The following ABI3BP variants were observed in gnomAD, a reference collection of about 807,000 sequenced individuals.
The protein encoded by ABI3BP is ABI family member 3 binding protein, also known as target of Nesh-SH3.
Under a neutral mutation model 268.6 loss-of-function variants are expected in ABI3BP, and 216 were observed. The observed-to-expected ratio is 0.80, with a 90% CI of 0.72 to 0.90. The LOEUF (loss-of-function observed/expected upper bound fraction) is 0.90. ABI3BP is among the 40% of genes least tolerant of loss of function. The probability of loss-of-function intolerance (pLI) is 0.00; values close to 1 mark genes in which losing one functional copy is unlikely to be tolerated. For synonymous variants in ABI3BP, 730 were observed against 730.0 expected, an observed-to-expected ratio of 1.00 and a Z score of 0.00; for missense variants, 2,090 against 2,182.4, an observed-to-expected ratio of 0.96 and a Z score of 0.84.
chr3:100,768,095 T>G lies in ABI3BP; in HGVS notation c.4742-2146A>C, dbSNP rs527996451. Among the ~76,000 whole-genome samples the G allele has an allele frequency of 1.1e-3, 156 of 148,112 alleles. 1 individual carries two copies. Among genetic ancestry groups the G allele is most frequent in the African/African-American group, 3.8e-3 (152 of 40,214 alleles). ...CCATTTGGCTCAAGTTTTTTTTTTTTTTTTTTTTTGAGACGGAGTCTCACA... is the reference window on the plus strand; with the variant it reads ...CCATTTGGCTCAAGTTTTTTTTTTTGTTTTTTTTTGAGACGGAGTCTCACA... On this transcript the variant is annotated intron_variant, in intron 62 of 67. Transcript: ENST00000471714.
At chr3:100,858,019 A>G (rs917941701) in intron 14 of ABI3BP, among the ~76,000 whole-genome samples, 8 of 152,240 alleles carry the variant, frequency 5.3e-5, no homozygotes, top group African/African-American at 1.9e-4. Flanking sequence ...CTGAGATTAT[A>G]GTTAACTAGC....
intron 61 of ABI3BP, 69 bp from the exon 62 acceptor site, chr3:100,771,021 A>C: frequency 7.8e-7 from 1 of 1,286,930 alleles, no homozygotes; most frequent in Non-Finnish European, 1.0e-6. Flanking sequence ...GTGAGCTCAT[A>C]AATATAATTT....
At chr3:100,774,179 G>T (rs2096635796) in intron 61 of ABI3BP, among the ~76,000 whole-genome samples, 1 of 152,166 alleles carries the variant, frequency 6.6e-6, no homozygotes, top group African/African-American at 2.4e-5. Context: ...CCCAATCCTT[G>T]ATTTGATCTT....
chr3:100,796,516 T>C (rs773312937), intron 51 of ABI3BP, 48 bp from the exon 52 acceptor site: 11 of 1,400,644 alleles, frequency 7.9e-6, no homozygotes, highest in Non-Finnish European at 1.1e-5. Context: ...ATAACCCAAC[T>C]GGAGTGAGCT....
intron 6 of ABI3BP, among the ~76,000 whole-genome samples, chr3:100,882,764 A>G (rs1475783092): frequency 6.6e-6 from 1 of 152,108 alleles, no homozygotes; most frequent in Non-Finnish European, 1.5e-5. Context: ...AACTCATCCT[A>G]AATGAAATAT....
At chr3:100,843,521 G>A in intron 20 of ABI3BP, 1 of 777,526 alleles carries the variant, frequency 1.3e-6, no homozygotes, top group Non-Finnish European at 1.5e-6. Context: ...GGGAGAGGAT[G>A]TGTGTGTGTG....
In ABI3BP at chr3:100,987,109, T is replaced by C. The variant is rs575223298; in HGVS notation, c.79+6197A>G. On this transcript the variant is annotated intron_variant, in intron 1 of 67. Coordinates refer to ENST00000471714, the MANE Select transcript of ABI3BP (RefSeq NM_001375547.2). Reference sequence around the variant, plus strand: ...TGAGATCAATTTTATTAAATTCACCTATTTACTTTCAATATTGTCTTGTTT... The same window carrying C: ...TGAGATCAATTTTATTAAATTCACCCATTTACTTTCAATATTGTCTTGTTT... Among the ~76,000 whole-genome samples, 131 of 152,292 alleles carry C rather than the reference T, an allele frequency of 8.6e-4. 1 individual carries two copies. Among genetic ancestry groups the C allele is most frequent in the African/African-American group, 3.1e-3 (128 of 41,556 alleles).
At chr3:100,808,545 T>G (rs549897180) in intron 49 of ABI3BP, among the ~76,000 whole-genome samples, 1 of 152,080 alleles carries the variant, frequency 6.6e-6, no homozygotes. Context: ...TCATCCTTAT[T>G]ATAAGTTCAT....
chr3:100,880,348 C>T (rs1035379415), intron 6 of ABI3BP, among the ~76,000 whole-genome samples: 2 of 152,168 alleles, frequency 1.3e-5, no homozygotes, highest in Admixed American at 1.3e-4. Flanking sequence ...GCCGATTCCC[C>T]CATTCTTGCT....
chr3:100,906,351 C>A (rs1334711032), intron 2 of ABI3BP, among the ~76,000 whole-genome samples: 1 of 152,172 alleles, frequency 6.6e-6, no homozygotes, highest in Non-Finnish European at 1.5e-5. Context: ...ATGTCATTAC[C>A]TGGGTGCATG....
intron 1 of ABI3BP, among the ~76,000 whole-genome samples, chr3:100,959,169 G>A (rs1006325778): frequency 3.9e-5 from 6 of 152,242 alleles, no homozygotes; most frequent in Non-Finnish European, 7.4e-5. Flanking sequence ...AACCCCACTC[G>A]TAAGACCCAG....
At chr3:100,884,442 C>A (rs1482741586) in intron 6 of ABI3BP, among the ~76,000 whole-genome samples, 1 of 152,154 alleles carries the variant, frequency 6.6e-6, no homozygotes, top group African/African-American at 2.4e-5. Context: ...TTTCAAACCA[C>A]ATGAACAACA....
At chr3:100,842,628 C>T (rs1043643839) in intron 20 of ABI3BP, among the ~76,000 whole-genome samples, 6 of 152,026 alleles carry the variant, frequency 3.9e-5, no homozygotes, top group Admixed American at 6.6e-5. Flanking sequence ...CCAATGAGTC[C>T]AAAAGCAGTC....
At position 100,887,858 on chromosome 3, in the gene ABI3BP, C is replaced by T. The variant is rs1208362345; in HGVS notation, c.462-1535G>A. On this transcript the variant is annotated intron_variant, in intron 4 of 67. Transcript: ENST00000471714. Reference sequence around the variant, plus strand: ...CAGTATCTAGAGATGAGTATCAAAACTGGCTACGTAATTTGTGGGGCTCAA... The same window carrying T: ...CAGTATCTAGAGATGAGTATCAAAATTGGCTACGTAATTTGTGGGGCTCAA... Among the ~76,000 whole-genome samples the T allele has an allele frequency of 9.8e-4, 149 of 152,104 alleles. 1 individual carries two copies. Among genetic ancestry groups the T allele is most frequent in the Non-Finnish European group, 2.5e-4 (17 of 67,954 alleles).
rs115444201 is a variant in ABI3BP, at chr3:100,837,889, A to G, written c.2083+321T>C. On this transcript the variant is annotated intron_variant, in intron 26 of 67. Transcript: ENST00000471714. ...GTGTCAGCCTTCTGTGTGTACTAACAGTGGTTACTAAAATGACTTTCAAAA... is the reference window on the plus strand; with the variant it reads ...GTGTCAGCCTTCTGTGTGTACTAACGGTGGTTACTAAAATGACTTTCAAAA... Among the ~76,000 whole-genome samples, 798 of 152,330 alleles carry G rather than the reference A, an allele frequency of 5.2e-3. 6 individuals are homozygous for G. Among genetic ancestry groups the G allele is most frequent in the African/African-American group, 0.018 (728 of 41,562 alleles).
chr3:100,877,552 C>T (rs2099173235), intron 6 of ABI3BP, among the ~76,000 whole-genome samples: 1 of 152,144 alleles, frequency 6.6e-6, no homozygotes, highest in African/African-American at 2.4e-5. Context: ...ATAAAGTAGC[C>T]TGACCTAGGG....
At chr3:100,827,674 C>T (rs555389321) in intron 34 of ABI3BP, among the ~76,000 whole-genome samples, 1 of 152,032 alleles carries the variant, frequency 6.6e-6, no homozygotes, top group African/African-American at 2.4e-5. Context: ...ACTTTATCTT[C>T]TTCTGTTATT....
At chr3:100,849,380 C>T (rs143460579) in intron 17 of ABI3BP, among the ~76,000 whole-genome samples, 8 of 152,062 alleles carry the variant, frequency 5.3e-5, no homozygotes, top group African/African-American at 1.4e-4. Flanking sequence ...TGTACCATGA[C>T]GTCCGGCTAA....
intron 21 of ABI3BP, 67 bp downstream of exon 21, chr3:100,841,931 G>T: frequency 2.6e-5 from 31 of 1,188,178 alleles, no homozygotes; most frequent in Non-Finnish European, 3.5e-5. Context: ...ACCCAAAGCT[G>T]AACAAAGTTG....
Sources: gnomAD v4.1 joint callset for allele counts (sites outside exome capture counted in the v4.1 genomes callset) on GRCh38, gnomAD v4.1.1 for gene constraint, MANE v1.5 for transcripts, NCBI Gene and HGNC (gene_info 2026-07-23, HGNC 2026-07-21) for gene names.